Variants in NALF1 observed in about 807,000 individuals in gnomAD.
NALF1 encodes the protein family with sequence similarity 155 member A.
In NALF1, 3 loss-of-function variants were observed where a neutral mutation model predicts 48.4. The ratio of observed to expected loss-of-function variants is 0.06; its 90% confidence interval spans 0.03 to 0.16. The LOEUF is 0.16. Among genes scored for constraint, NALF1 ranks in the 10% least tolerant of loss-of-function variants. The pLI, the probability that NALF1 is intolerant of heterozygous loss-of-function variation, is 1.00. For missense variants in NALF1, 526 were observed against 571.5 expected, an observed-to-expected ratio of 0.92 and a Z score of 0.81; for synonymous variants, 262 against 245.7, an observed-to-expected ratio of 1.07 and a Z score of -0.62.
At chr13:107,507,397 C>A (rs1835306779) in intron 1 of NALF1, among the ~76,000 whole-genome samples, 3 of 151,600 alleles carry the variant, frequency 2.0e-5, no homozygotes, top group Admixed American at 2.0e-4. Flanking sequence ...AGAGGAGATT[C>A]ATGTATTTTA....
At chr13:107,493,131 T>C (rs958226771) in intron 1 of NALF1, among the ~76,000 whole-genome samples, 50 of 152,164 alleles carry the variant, frequency 3.3e-4, no homozygotes, top group African/African-American at 1.1e-3. Context: ...GATATCTCCA[T>C]TTCCATACAT....
At chr13:107,228,849 G>A (rs1349698446) in intron 1 of NALF1, among the ~76,000 whole-genome samples, 1 of 152,112 alleles carries the variant, frequency 6.6e-6, no homozygotes, top group Non-Finnish European at 1.5e-5. Context: ...TTGAACTCCT[G>A]ATCTCAGGTA....
Position 107,216,235 on chromosome 13 carries a change from C to T in NALF1, c.916-5480G>A, listed in dbSNP as rs188827483. ...GTAAGCATTAGTCTGCGACAGCAAC[C>T]GCCTCAGGCTAATGCACTTTGACGC... On this transcript the variant is annotated intron_variant, in intron 1 of 2. Transcript: ENST00000375915. Among the ~76,000 whole-genome samples, 58 of 152,336 alleles carry T rather than the reference C, an allele frequency of 3.8e-4. 1 individual carries two copies. The highest frequency in any genetic ancestry group is 2.1e-4 in the South Asian group (1 of 4,824).
At chr13:107,427,898 CA>C (rs1386674541) in intron 1 of NALF1, among the ~76,000 whole-genome samples, 5 of 152,246 alleles carry the variant, frequency 3.3e-5, no homozygotes, top group African/African-American at 1.2e-4. Flanking sequence ...TCCTAAAGAA[CA>C]ATGCAATTCA....
intron 1 of NALF1, among the ~76,000 whole-genome samples, chr13:107,488,509 G>C (rs1161844535): frequency 1.3e-5 from 2 of 151,988 alleles, no homozygotes; most frequent in Non-Finnish European, 2.9e-5. Context: ...AAACAGAACT[G>C]AAGACAAAAA....
intron 1 of NALF1, among the ~76,000 whole-genome samples, chr13:107,236,168 A>G (rs1880338355): frequency 6.6e-6 from 1 of 152,070 alleles, no homozygotes; most frequent in Non-Finnish European, 1.5e-5. Flanking sequence ...ATGGCCTGCT[A>G]TTGTTGGTTG....
intron 1 of NALF1, among the ~76,000 whole-genome samples, chr13:107,682,608 C>G (rs1167363614): frequency 6.6e-6 from 1 of 150,740 alleles, no homozygotes; most frequent in Admixed American, 6.6e-5. Flanking sequence ...TTTTTTTTTT[C>G]CATTTTCTTC....
intron 1 of NALF1, among the ~76,000 whole-genome samples, chr13:107,525,330 G>A (rs900576147): frequency 6.6e-6 from 1 of 152,032 alleles, no homozygotes. Flanking sequence ...TCATAGTTTT[G>A]TCTTTTCCCA....
chr13:107,778,369 A>G (rs2138576056), intron 1 of NALF1, among the ~76,000 whole-genome samples: 1 of 152,342 alleles, frequency 6.6e-6, no homozygotes, highest in Non-Finnish European at 1.5e-5. Context: ...AGAAGAGTGG[A>G]ACATCTAATG....
At chr13:107,296,105 A>G (rs1031538450) in intron 1 of NALF1, among the ~76,000 whole-genome samples, 32 of 152,228 alleles carry the variant, frequency 2.1e-4, no homozygotes, top group African/African-American at 5.8e-4. Context: ...AAATTTCCCT[A>G]TCTAATTTAA....
At chr13:107,457,727 T>C (rs542784277) in intron 1 of NALF1, among the ~76,000 whole-genome samples, 9 of 152,274 alleles carry the variant, frequency 5.9e-5, no homozygotes, top group East Asian at 3.9e-4. Flanking sequence ...TGAAAACAAA[T>C]GTTGAGACAT....
intron 1 of NALF1, among the ~76,000 whole-genome samples, chr13:107,323,125 A>T (rs2138915770): frequency 6.6e-6 from 1 of 152,242 alleles, no homozygotes; most frequent in Non-Finnish European, 1.5e-5. Flanking sequence ...ACCAGTTAAG[A>T]GACCACTACT....
chr13:107,718,348 A>G (rs1875882818), intron 1 of NALF1, among the ~76,000 whole-genome samples: 1 of 152,178 alleles, frequency 6.6e-6, no homozygotes, highest in Non-Finnish European at 1.5e-5. Context: ...ACAGTCAGCA[A>G]CTGCACCAAA....
intron 1 of NALF1, among the ~76,000 whole-genome samples, chr13:107,280,475 T>C (rs192413527): frequency 6.6e-6 from 1 of 152,236 alleles, no homozygotes; most frequent in Non-Finnish European, 1.5e-5. Flanking sequence ...GAGTGCCCCA[T>C]GTTTATCCAT....
At chr13:107,728,564 G>A (rs1013067293) in intron 1 of NALF1, among the ~76,000 whole-genome samples, 3 of 152,004 alleles carry the variant, frequency 2.0e-5, no homozygotes, top group African/African-American at 7.3e-5. Flanking sequence ...GACAGCATTA[G>A]GACAAATACC....
At position 107,742,809 on chromosome 13, in the gene NALF1, C is replaced by T. The variant is rs143641218; in HGVS notation, c.915+122873G>A. On this transcript the variant is annotated intron_variant, in intron 1 of 2. Transcript: ENST00000375915. ...TTGCTCATGGGTTATACTCACAACCCCCAGCAGAGGGTCTGGCACCCAACA... is the reference window on the plus strand; with the variant it reads ...TTGCTCATGGGTTATACTCACAACCTCCAGCAGAGGGTCTGGCACCCAACA... 4.7e-3 allele frequency among the ~76,000 whole-genome samples: 715 copies of T among 152,178 alleles called. 4 individuals are homozygous for T. The highest frequency in any genetic ancestry group is 0.016 in the African/African-American group (679 of 41,474).
intron 1 of NALF1, among the ~76,000 whole-genome samples, chr13:107,322,719 A>T (rs1882280900): frequency 6.6e-6 from 1 of 152,100 alleles, no homozygotes; most frequent in South Asian, 2.1e-4. Context: ...TATGCTTCAA[A>T]TTTCATAACC....
chr13:107,439,272 T>C (rs1338471274), intron 1 of NALF1, among the ~76,000 whole-genome samples: 1 of 152,200 alleles, frequency 6.6e-6, no homozygotes, highest in Non-Finnish European at 1.5e-5. Context: ...ACCTGGCTGA[T>C]GTTGGGGTTA....
In NALF1 at chr13:107,586,635, A is replaced by ATTTTTTTTTTT. The variant is rs61429641; in HGVS notation, c.915+279036_915+279046dup. Among the ~76,000 whole-genome samples the ATTTTTTTTTTT allele has an allele frequency of 9.3e-4, 87 of 93,102 alleles. 17 individuals carry two copies. The East Asian group carries it at 0.013, about 13-fold the overall frequency. 61.1% of individuals were successfully genotyped at this position (93,102 alleles called of 152,430 possible). On this transcript the variant is annotated intron_variant, in intron 1 of 2. Coordinates refer to ENST00000375915, the MANE Select transcript of NALF1 (RefSeq NM_001080396.3). ...CTACATTTAAAGCTCCCCTATGGAG[A>ATTTTTTTTTTT]TTTTTTTTTTTTTTGCTAGGAATGA...
Sources: gnomAD v4.1 joint callset for allele counts (sites outside exome capture counted in the v4.1 genomes callset) on GRCh38, gnomAD v4.1.1 for gene constraint, MANE v1.5 for transcripts, NCBI Gene and HGNC (gene_info 2026-07-23, HGNC 2026-07-21) for gene names.